The following PNPT1 variants were observed in gnomAD, a reference collection of about 807,000 sequenced individuals.
PNPT1 encodes the protein polyribonucleotide nucleotidyltransferase 1, mitochondrial.
A neutral mutation model predicts 119.5 loss-of-function variants in PNPT1; 53 were observed. The ratio of observed to expected loss-of-function variants is 0.44; its 90% CI spans 0.36 to 0.56. The LOEUF is 0.56. PNPT1 is among the 20% of genes least tolerant of loss of function. The probability of loss-of-function intolerance (pLI) is 0.00; values close to 1 mark genes in which losing one functional copy is unlikely to be tolerated. For missense variants in PNPT1, 948 were observed against 938.5 expected (o/e 1.01, Z -0.13); for synonymous variants, 357 against 322.1 (o/e 1.11, Z -1.16).
chr2:55,660,080 G>T, intron 15 of PNPT1, 77 bp downstream of exon 15: 1 of 1,402,188 alleles, frequency 7.1e-7, no homozygotes. Flanking sequence ...CTCCAGCCTG[G>T]ACAACAGGGT....
intron 1 of PNPT1, among the ~76,000 whole-genome samples, chr2:55,691,825 T>C (rs1344459667): frequency 6.8e-6 from 1 of 147,458 alleles, no homozygotes. Flanking sequence ...CCTATTTCTA[T>C]ATTACTCTTC....
At chr2:55,652,482 T>C (rs1035392209) in intron 18 of PNPT1, among the ~76,000 whole-genome samples, 33 of 152,236 alleles carry the variant, frequency 2.2e-4, no homozygotes, top group African/African-American at 8.0e-4. Flanking sequence ...AGTATTTTTA[T>C]TGGCAGTATT....
chr2:55,690,075 G>A (rs192965931), intron 1 of PNPT1, among the ~76,000 whole-genome samples: 89 of 152,228 alleles, frequency 5.8e-4, no homozygotes, highest in South Asian at 8.3e-4. Flanking sequence ...TCCTGCCTTG[G>A]CCTCTCAAAG....
chr2:55,681,358 G>C (rs1288466792), intron 5 of PNPT1, among the ~76,000 whole-genome samples: 1 of 152,120 alleles, frequency 6.6e-6, no homozygotes, highest in Non-Finnish European at 1.5e-5. Context: ...AGTGAGCTGA[G>C]ATCACGCCAT....
chr2:55,660,307 A>G (rs1248999688), intron 14 of PNPT1, 114 bp from the exon 15 acceptor site: 2 of 1,100,678 alleles, frequency 1.8e-6, no homozygotes, highest in Non-Finnish European at 2.5e-6. Context: ...TGTTAATGAA[A>G]AATCAGACTG....
At chr2:55,663,196 TA>T (rs1696634453) in intron 13 of PNPT1, among the ~76,000 whole-genome samples, 1 of 152,204 alleles carries the variant, frequency 6.6e-6, no homozygotes, top group South Asian at 2.1e-4. Context: ...AAAAGATTTT[TA>T]ACAGCTATTA....
chr2:55,687,493 G>C (rs1697449913), intron 2 of PNPT1, 152 bp downstream of exon 2: 4 of 613,156 alleles, frequency 6.5e-6, no homozygotes, highest in African/African-American at 1.9e-5. Context: ...TGGTTGTCTG[G>C]AATGATTCTT....
chr2:55,683,516 G>C (rs1270100471), intron 5 of PNPT1, among the ~76,000 whole-genome samples: 1 of 151,722 alleles, frequency 6.6e-6, no homozygotes, highest in Non-Finnish European at 1.5e-5. Context: ...AGGAGGCTGA[G>C]GCAGGAGAAT....
chr2:55,667,411 G>A (rs534877628), intron 12 of PNPT1, among the ~76,000 whole-genome samples: 3 of 152,080 alleles, frequency 2.0e-5, no homozygotes, highest in South Asian at 4.2e-4. Context: ...TGGCTAACAC[G>A]GTGAAACCCC....
At chr2:55,677,713 G>A (rs1397319608) in intron 8 of PNPT1, among the ~76,000 whole-genome samples, 1 of 151,470 alleles carries the variant, frequency 6.6e-6, no homozygotes, top group Non-Finnish European at 1.5e-5. Flanking sequence ...ATTAGCAGCA[G>A]GTTTACTTCT....
chr2:55,672,074 A>T (rs765378415), intron 9 of PNPT1, 28 bp from the exon 10 acceptor site: 2 of 1,534,074 alleles, frequency 1.3e-6, no homozygotes, highest in Non-Finnish European at 8.9e-7. Flanking sequence ...AAATGTTAGC[A>T]TAATAATATC....
rs372876509 is a variant in PNPT1, at chr2:55,680,880, C to T, written c.492G>A (p.Glu164=). 2 of 1,613,902 alleles carry T rather than the reference C, an allele frequency of 1.2e-6. No homozygotes were observed. The highest frequency in any genetic ancestry group is 1.7e-6 in the Non-Finnish European group (2 of 1,179,954). The change falls in exon 6 of 28, where the codon GAG becomes GAA. Residue 164 remains glutamate (E), a synonymous_variant. Transcript: ENST00000447944. The part of the protein sequence containing the change: ...CNLLAVDGVN[E]PDVLAINGAS... The stretch of plus-strand genomic sequence containing the variant: ...CGCCATTAATTGCTAGGACATCAGG[C>T]TCATTTACACCATCTACTGCTAACA...
intron 9 of PNPT1, 37 bp from the exon 10 acceptor site, chr2:55,672,083 T>G: frequency 1.3e-6 from 2 of 1,489,744 alleles, no homozygotes; most frequent in South Asian, 2.5e-5. Flanking sequence ...CATAATAATA[T>G]CTGGAAACAA....
At chr2:55,656,836 C>T (rs1476322378) in intron 15 of PNPT1, among the ~76,000 whole-genome samples, 1 of 152,100 alleles carries the variant, frequency 6.6e-6, no homozygotes, top group African/African-American at 2.4e-5. Flanking sequence ...AAACAAAATA[C>T]ATGAATGGGA....
In PNPT1 at chr2:55,691,848, TTATATA is replaced by T. The variant is rs869195974; in HGVS notation, c.161+1809_161+1814del. Among the ~76,000 whole-genome samples the T allele has an allele frequency of 3.9e-3, 343 of 87,126 alleles. 2 individuals are homozygous for T. Among genetic ancestry groups the T allele is most frequent in the African/African-American group, 8.6e-3 (183 of 21,258 alleles). 57.2% of individuals were successfully genotyped at this position (87,126 alleles called of 152,430 possible). Reference sequence around the variant, plus strand: ...TATATTACTCTTCAATTAAAAATGTTTATATATATATATATATATATATATATATAT... The same window carrying T: ...TATATTACTCTTCAATTAAAAATGTTTATATATATATATATATATATATAT... On this transcript the variant is annotated intron_variant, in intron 1 of 27. Transcript: ENST00000447944.
chr2:55,650,840 C>G (rs1163180632), intron 18 of PNPT1, among the ~76,000 whole-genome samples: 1 of 151,796 alleles, frequency 6.6e-6, no homozygotes, highest in Non-Finnish European at 1.5e-5. Flanking sequence ...GCAGCCACCC[C>G]GTCTGGGAAG....
Position 55,646,061 on chromosome 2 carries a change from G to A in PNPT1, c.1738+198C>T, listed in dbSNP as rs1321757064. 2.6e-5 allele frequency among the ~76,000 whole-genome samples: 4 copies of A among 151,926 alleles called. No individual in the cohort carries two copies. In the East Asian group the frequency reaches 7.7e-4, roughly 29 times the overall value. On this transcript the variant is annotated intron_variant, in intron 21 of 27. Transcript: ENST00000447944. Reference sequence around the variant, plus strand: ...CAGGCTGGTCTCGAACTCCTGACCTGAAGTGATCTGCCTGCCTCGGCCTCT... The same window carrying A: ...CAGGCTGGTCTCGAACTCCTGACCTAAAGTGATCTGCCTGCCTCGGCCTCT...
At chr2:55,692,838 G>A (rs1268119886) in intron 1 of PNPT1, among the ~76,000 whole-genome samples, 1 of 152,126 alleles carries the variant, frequency 6.6e-6, no homozygotes, top group African/African-American at 2.4e-5. Context: ...CTAACTTCAA[G>A]TCATCCTTCC....
chr2:55,693,736 G>A lies in PNPT1; in HGVS notation c.88C>T (p.Leu30Phe), dbSNP rs778851186. 4 of 1,614,202 alleles carry A rather than the reference G, an allele frequency of 2.5e-6. No individual in the cohort carries two copies. In the South Asian group the frequency reaches 3.3e-5, roughly 13 times the overall value. The change falls in exon 1 of 28, where the codon CTC (leucine) becomes TTC (phenylalanine). Residue 30 changes from leucine to phenylalanine, a missense_variant. Leu to Phe is a conservative substitution (Grantham distance 22). Coordinates refer to ENST00000447944, the MANE Select transcript of PNPT1 (RefSeq NM_033109.5). Reference sequence around the variant, plus strand: ...AGTGCTCGCACTTGCAACTGGGTGAGTGCCCGATCCCGCCGTGGCAGAAGG... The same window carrying A: ...AGTGCTCGCACTTGCAACTGGGTGAATGCCCGATCCCGCCGTGGCAGAAGG... ...PFLLPRRDRA[L>F]TQLQVRALWS...
Sources: gnomAD v4.1 joint callset for allele counts (sites outside exome capture counted in the v4.1 genomes callset) on GRCh38, gnomAD v4.1.1 for gene constraint, MANE v1.5 for transcripts, NCBI Gene and HGNC (gene_info 2026-07-23, HGNC 2026-07-21) for gene names.